EXO1: variants seen among roughly 807,000 people sequenced by gnomAD.
EXO1 encodes the protein exonuclease 1.
EXO1 carries 69 observed loss-of-function variants against 84.5 expected under a neutral mutation model. That is an observed-to-expected ratio of 0.82 (90% confidence interval 0.67 to 1.00). The LOEUF is 1.00. EXO1 is among the 50% of genes least tolerant of loss of function. The pLI, the probability that EXO1 is intolerant of heterozygous loss-of-function variation, is 0.00. For missense variants in EXO1, 1,045 were observed against 1,000.7 expected, an observed-to-expected ratio of 1.04 and a Z score of -0.60; for synonymous variants, 373 against 366.1, an observed-to-expected ratio of 1.02 and a Z score of -0.21.
intron 4 of EXO1, among the ~76,000 whole-genome samples, chr1:241,851,455 C>G (rs1660665416): frequency 6.6e-6 from 1 of 152,114 alleles, no homozygotes; most frequent in African/African-American, 2.4e-5. Context: ...ATTTTAGCTG[C>G]TAAGTTTGCG....
intron 13 of EXO1, among the ~76,000 whole-genome samples, chr1:241,880,649 A>G (rs191015310): frequency 6.6e-5 from 10 of 152,358 alleles, no homozygotes; most frequent in Admixed American, 2.6e-4. Context: ...GTTAATTCTC[A>G]AAGAATCTGA....
At chr1:241,855,792 C>T (rs1395814204) in intron 6 of EXO1, among the ~76,000 whole-genome samples, 2 of 152,236 alleles carry the variant, frequency 1.3e-5, no homozygotes, top group African/African-American at 2.4e-5. Context: ...TGCTGGGGGA[C>T]CCAGTACATC....
chr1:241,860,445 T>A, intron 8 of EXO1, 72 bp from the exon 9 acceptor site: 1 of 1,196,086 alleles, frequency 8.4e-7, no homozygotes, highest in Admixed American at 1.7e-5. Context: ...TGAATGTAAA[T>A]CAATCAGCCT....
In EXO1 at chr1:241,870,535, C is replaced by CT. The variant is rs1361559802; in HGVS notation, c.1268-1493dup. Among the ~76,000 whole-genome samples the CT allele has an allele frequency of 2.6e-5, 4 of 152,292 alleles. No homozygotes were observed. The East Asian group carries it at 7.7e-4, about 29-fold the overall frequency. ...ATTGTGGCACTGTTTCAGTCCTGTG[C>CT]TTTTATTATTGCAAACTAAGATTGC... is the stretch of plus-strand genomic sequence containing the variant. On this transcript the variant is annotated intron_variant, in intron 11 of 15. Transcript: ENST00000366548.
At chr1:241,852,540 G>A (rs1001658321) in intron 5 of EXO1, 129 bp downstream of exon 5, 3 of 804,490 alleles carry the variant, frequency 3.7e-6, no homozygotes, top group Non-Finnish European at 4.2e-6. Context: ...AGGTACTCGG[G>A]AGGTTGAGGC....
At chr1:241,883,490 T>C (rs2148529391) in intron 14 of EXO1, among the ~76,000 whole-genome samples, 1 of 152,206 alleles carries the variant, frequency 6.6e-6, no homozygotes, top group South Asian at 2.1e-4. Context: ...ACTCTCATGA[T>C]CTAATCACCT....
At position 241,869,214 on chromosome 1, in the gene EXO1, G is replaced by GGA. The variant is rs558115458; in HGVS notation, c.1267+2163_1267+2164dup. ...GTGTATCTGATGTAAAGATAGGTAA[G>GGA]GAGAGCAATGGTGCAGAATAATAGA... On this transcript the variant is annotated intron_variant, in intron 11 of 15. Transcript: ENST00000366548. 5.9e-5 allele frequency among the ~76,000 whole-genome samples: 9 copies of GGA among 152,332 alleles called. No homozygotes were observed. The South Asian group carries it at 1.7e-3, about 28-fold the overall frequency.
chr1:241,878,115 A>G (rs1159681741), intron 12 of EXO1, among the ~76,000 whole-genome samples: 1 of 152,190 alleles, frequency 6.6e-6, no homozygotes, highest in Non-Finnish European at 1.5e-5. Context: ...AGAGTTTAAA[A>G]GTTTAGGGAA....
intron 6 of EXO1, among the ~76,000 whole-genome samples, chr1:241,854,099 T>A (rs1209721376): frequency 6.6e-6 from 1 of 152,132 alleles, no homozygotes; most frequent in East Asian, 1.9e-4. Flanking sequence ...CACTTTCCCC[T>A]TTTTAGAGCC....
intron 12 of EXO1, among the ~76,000 whole-genome samples, chr1:241,874,357 C>T (rs1399523716): frequency 6.6e-6 from 1 of 152,202 alleles, no homozygotes; most frequent in Non-Finnish European, 1.5e-5. Flanking sequence ...CATGCCACTG[C>T]AGTCCAGCCA....
intron 6 of EXO1, among the ~76,000 whole-genome samples, chr1:241,856,441 A>G (rs6674370): frequency 0.011 from 1,620 of 152,092 alleles, 34 homozygotes; most frequent in African/African-American, 0.037. Flanking sequence ...CATTGGTTTA[A>G]ATATAGTGCT....
At chr1:241,872,303 G>T in intron 12 of EXO1, 25 bp downstream of exon 12, 1 of 1,610,828 alleles carries the variant, frequency 6.2e-7, no homozygotes, top group South Asian at 1.1e-5. Context: ...CCAGAATGTT[G>T]ATTGTCTGTT....
intron 6 of EXO1, among the ~76,000 whole-genome samples, chr1:241,853,822 G>T (rs1574133093): frequency 6.6e-6 from 1 of 152,036 alleles, no homozygotes; most frequent in African/African-American, 2.4e-5. Context: ...AGACCATCCC[G>T]GGTAACATAA....
At chr1:241,855,607 G>A (rs1389176330) in intron 6 of EXO1, among the ~76,000 whole-genome samples, 1 of 152,256 alleles carries the variant, frequency 6.6e-6, no homozygotes, top group African/African-American at 2.4e-5. Flanking sequence ...GGTGGTGGAT[G>A]AGACTGGGCG....
At position 241,889,498 on chromosome 1, in the gene EXO1, C is replaced by A; in HGVS notation, c.2439C>A (p.Pro813=). The A allele has an allele frequency of 6.2e-7, 1 of 1,613,694 alleles. No individual in the cohort carries two copies. Among genetic ancestry groups the A allele is most frequent in the Non-Finnish European group, 8.5e-7 (1 of 1,179,642 alleles). ...DSEKLPPCKK[P]LSPVRDNIQL... is the part of the protein sequence containing the mutation. ...AAAAGCTTCCTCCTTGTAAGAAACC[C>A]CTGTCCCCAGTCAGAGATAACATCC... Residue 813 remains proline, a synonymous_variant, in exon 16 of 16, where the codon CCC becomes CCA. Transcript: ENST00000366548.
intron 12 of EXO1, 39 bp from the exon 13 acceptor site, chr1:241,878,710 C>G (rs1558142741): frequency 1.6e-6 from 2 of 1,287,382 alleles, no homozygotes; most frequent in Admixed American, 3.7e-5. Context: ...CTCTAAAATA[C>G]TCATACTTAC....
Position 241,882,033 on chromosome 1 carries a change from A to AT in EXO1, c.2211+16_2211+17insT. On this transcript the variant is annotated intron_variant, in intron 14 of 15. Transcript: ENST00000366548. Reference sequence around the variant, plus strand: ...AAGGAACAAGGTAAAACATTTATTTAATTTTTTTTTTAATTTCAGAAGCGG... The same window carrying AT: ...AAGGAACAAGGTAAAACATTTATTTATATTTTTTTTTTAATTTCAGAAGCGG... The AT allele has an allele frequency of 9.9e-6, 13 of 1,308,590 alleles. No individual in the cohort carries two copies. Among genetic ancestry groups the AT allele is most frequent in the Middle Eastern group, 1.8e-4 (1 of 5,508 alleles). The allele number at this position is 1,308,590 out of a possible 1,614,324, so 81.1% of individuals were successfully genotyped here.
At chr1:241,878,012 T>G (rs1276752167) in intron 12 of EXO1, among the ~76,000 whole-genome samples, 3 of 152,204 alleles carry the variant, frequency 2.0e-5, no homozygotes, top group South Asian at 2.1e-4. Context: ...TATCTTTTCA[T>G]GCGTTTGACC....
At chr1:241,857,077 A>T (rs1184971489) in intron 6 of EXO1, among the ~76,000 whole-genome samples, 2 of 152,186 alleles carry the variant, frequency 1.3e-5, no homozygotes, top group Admixed American at 1.3e-4. Flanking sequence ...TGTAACTTGT[A>T]GGATTCTTTT....
Sources: allele counts gnomAD v4.1 joint callset (sites outside exome capture counted in the v4.1 genomes callset), GRCh38; gene constraint gnomAD v4.1.1; transcripts MANE v1.5; gene names NCBI Gene and HGNC (gene_info 2026-07-23, HGNC 2026-07-21).